DLG2: variants seen among roughly 807,000 people sequenced by gnomAD.
The protein encoded by DLG2 is disks large homolog 2.
A neutral mutation model predicts 132.5 loss-of-function variants in DLG2; 45 were observed. That is an observed-to-expected ratio of 0.34 (90% confidence interval 0.27 to 0.44). DLG2 has a LOEUF of 0.44. DLG2 is among the 20% of genes least tolerant of loss of function. DLG2 has a pLI of 1.00. For synonymous variants in DLG2, 424 were observed against 419.6 expected, an observed-to-expected ratio of 1.01 and a Z score of -0.13; for missense variants, 1,045 against 1,196.9, an observed-to-expected ratio of 0.87 and a Z score of 1.87.
chr11:83,537,823 AAAAAAAAAAAAAG>A (rs2095928568), intron 20 of DLG2, among the ~76,000 whole-genome samples: 3 of 144,242 alleles, frequency 2.1e-5, no homozygotes, highest in South Asian at 2.2e-4. Flanking sequence ...AAAAAAAAAA[AAAAAAAAAAAAAG>A]AGAGAGAGAG....
Position 85,109,319 on chromosome 11 carries a change from C to T in DLG2, c.357+2342G>A, listed in dbSNP as rs561290115. Among the ~76,000 whole-genome samples the T allele has an allele frequency of 2.6e-5, 4 of 152,170 alleles. No individual in the cohort carries two copies. The South Asian group carries it at 6.2e-4, about 24-fold the overall frequency. On this transcript the variant is annotated intron_variant, in intron 6 of 27. Transcript: ENST00000376104. ...AAACCAGTAGCCCCCAGTTCTATGG[C>T]AGAAATGAAAAAGAAACATCTACTT...
chr11:85,254,858 A>G (rs1565221660), intron 4 of DLG2, among the ~76,000 whole-genome samples: 2 of 152,014 alleles, frequency 1.3e-5, no homozygotes, highest in Non-Finnish European at 2.9e-5. Context: ...AAAATTAATT[A>G]GGCATGGTGG....
chr11:84,501,992 C>T (rs1268088686), intron 7 of DLG2, among the ~76,000 whole-genome samples: 3 of 152,094 alleles, frequency 2.0e-5, no homozygotes, highest in Non-Finnish European at 4.4e-5. Context: ...GCAGTTTCAT[C>T]TGTAAAATGA....
chr11:84,406,189 A>T (rs2098848356), intron 7 of DLG2, among the ~76,000 whole-genome samples: 1 of 152,148 alleles, frequency 6.6e-6, no homozygotes, highest in Middle Eastern at 3.4e-3. Flanking sequence ...GATTACCTGA[A>T]TATGCCCATT....
At chr11:84,191,859 A>C (rs2154291425) in intron 8 of DLG2, among the ~76,000 whole-genome samples, 1 of 152,282 alleles carries the variant, frequency 6.6e-6, no homozygotes, top group Middle Eastern at 3.4e-3. Context: ...ACAACTGAAG[A>C]ACAAACTGTA....
intron 6 of DLG2, among the ~76,000 whole-genome samples, chr11:84,672,117 A>G (rs948456077): frequency 6.6e-6 from 1 of 152,164 alleles, no homozygotes; most frequent in Non-Finnish European, 1.5e-5. Flanking sequence ...GGAACAAATC[A>G]TAGTTCCAAC....
At position 83,874,748 on chromosome 11, in the gene DLG2, C is replaced by T. The variant is rs189231403; in HGVS notation, c.1497-260G>A. ...TTTAATCGGTCCTATTGTCAATAAC[C>T]AGTCTTGAAAGAAATACAGTAGAGA... On this transcript the variant is annotated intron_variant, in intron 15 of 27. Coordinates refer to ENST00000376104, the MANE Select transcript of DLG2 (RefSeq NM_001142699.3). Among the ~76,000 whole-genome samples the T allele has an allele frequency of 3.9e-4, 60 of 152,038 alleles. 1 individual carries two copies. Among genetic ancestry groups the T allele is most frequent in the Non-Finnish European group, 6.3e-4 (43 of 67,976 alleles).
intron 6 of DLG2, among the ~76,000 whole-genome samples, chr11:84,692,133 CG>C (rs2058114512): frequency 6.6e-6 from 1 of 151,642 alleles, no homozygotes; most frequent in South Asian, 2.1e-4. Flanking sequence ...CATGTGTAGG[CG>C]CGCGACAGAT....
At chr11:83,992,552 A>G (rs1285574460) in intron 11 of DLG2, among the ~76,000 whole-genome samples, 3 of 152,156 alleles carry the variant, frequency 2.0e-5, no homozygotes, top group African/African-American at 4.8e-5. Context: ...CTTAGTTGAG[A>G]AACTCAGAAA....
intron 21 of DLG2, among the ~76,000 whole-genome samples, chr11:83,532,463 A>G (rs933030087): frequency 1.3e-5 from 2 of 152,114 alleles, no homozygotes; most frequent in African/African-American, 2.4e-5. Context: ...TGTAGTCATT[A>G]CATCACCTTC....
chr11:84,425,377 G>A (rs1258688529), intron 7 of DLG2, among the ~76,000 whole-genome samples: 4 of 152,098 alleles, frequency 2.6e-5, no homozygotes, highest in African/African-American at 9.6e-5. Context: ...TTTCTAAAAG[G>A]CATAGTGTAG....
chr11:85,415,767 A>C (rs2089781710), intron 3 of DLG2, among the ~76,000 whole-genome samples: 1 of 151,968 alleles, frequency 6.6e-6, no homozygotes, highest in Admixed American at 6.6e-5. Context: ...TGTCAGATGG[A>C]TAGACTGCAA....
chr11:85,096,170 A>ATGTGG (rs1424403430), intron 6 of DLG2, among the ~76,000 whole-genome samples: 1 of 152,206 alleles, frequency 6.6e-6, no homozygotes, highest in Non-Finnish European at 1.5e-5. Flanking sequence ...AATCAGCAGG[A>ATGTGG]TGTGGGCGGG....
At chr11:85,532,575 T>C (rs1208526396) in intron 3 of DLG2, among the ~76,000 whole-genome samples, 1 of 152,262 alleles carries the variant, frequency 6.6e-6, no homozygotes, top group Admixed American at 6.5e-5. Flanking sequence ...TATTGTTACC[T>C]ATATGTATGG....
intron 4 of DLG2, among the ~76,000 whole-genome samples, chr11:85,276,127 T>A (rs1398294453): frequency 6.6e-6 from 1 of 152,188 alleles, no homozygotes; most frequent in Non-Finnish European, 1.5e-5. Context: ...ACATTCTGAT[T>A]ATCAAGTTAT....
intron 4 of DLG2, among the ~76,000 whole-genome samples, chr11:85,198,196 G>A (rs1217772716): frequency 1.3e-5 from 2 of 151,936 alleles, no homozygotes; most frequent in Admixed American, 6.6e-5. Flanking sequence ...CACTAGATTC[G>A]GAATTAAGAG....
chr11:84,975,588 C>T (rs1296560459), intron 6 of DLG2, among the ~76,000 whole-genome samples: 2 of 152,154 alleles, frequency 1.3e-5, no homozygotes, highest in African/African-American at 4.8e-5. Flanking sequence ...CTGCCCCAAA[C>T]TGTCTTATGT....
intron 6 of DLG2, among the ~76,000 whole-genome samples, chr11:84,606,377 C>T (rs1295900747): frequency 6.6e-6 from 1 of 151,986 alleles, no homozygotes; most frequent in East Asian, 1.9e-4. Flanking sequence ...AAATAAACAA[C>T]ACACACACAC....
At chr11:84,061,723 T>C (rs774089951) in intron 10 of DLG2, among the ~76,000 whole-genome samples, 1 of 152,050 alleles carries the variant, frequency 6.6e-6, no homozygotes, top group Non-Finnish European at 1.5e-5. Context: ...CTTGCCTCAG[T>C]AAGAACACAG....
Sources: allele counts gnomAD v4.1 joint callset (sites outside exome capture counted in the v4.1 genomes callset), GRCh38; gene constraint gnomAD v4.1.1; transcripts MANE v1.5; gene names NCBI Gene and HGNC (gene_info 2026-07-23, HGNC 2026-07-21).